The following DNAH12 variants were observed in gnomAD, a reference collection of about 807,000 sequenced individuals.
DNAH12 encodes dynein axonemal heavy chain 12.
Under a neutral mutation model 371.5 loss-of-function variants are expected in DNAH12, and 285 were observed. The ratio of observed to expected loss-of-function variants is 0.77; its 90% CI spans 0.70 to 0.85. The LOEUF is 0.85. DNAH12 is among the 40% of genes least tolerant of loss of function. The pLI, the probability that DNAH12 is intolerant of heterozygous loss-of-function variation, is 0.00. For missense variants in DNAH12, 3,611 were observed against 3,689.4 expected, an observed-to-expected ratio of 0.98 and a Z score of 0.55; for synonymous variants, 1,200 against 1,213.0, an observed-to-expected ratio of 0.99 and a Z score of 0.22.
intron 13 of DNAH12, among the ~76,000 whole-genome samples, chr3:57,483,100 A>G (rs1575665571): frequency 6.7e-5 from 1 of 14,928 alleles, no homozygotes; most frequent in East Asian, 7.6e-4. Context: ...TGCAACATTG[A>G]AAAAAAAAAA....
intron 43 of DNAH12, among the ~76,000 whole-genome samples, 171 bp downstream of exon 43, chr3:57,403,138 G>C (rs370335783): frequency 9.9e-5 from 15 of 152,212 alleles, no homozygotes; most frequent in African/African-American, 3.6e-4. Context: ...GTAAAAGCTA[G>C]GTAAAGCACT....
intron 39 of DNAH12, among the ~76,000 whole-genome samples, chr3:57,410,931 G>C (rs1553682791): frequency 1.3e-5 from 2 of 151,828 alleles, no homozygotes; most frequent in African/African-American, 4.8e-5. Context: ...TTAATGGTAA[G>C]AATCTCCAAG....
At chr3:57,350,450 A>C (rs1553659775) in intron 60 of DNAH12, among the ~76,000 whole-genome samples, 1 of 152,202 alleles carries the variant, frequency 6.6e-6, no homozygotes, top group Non-Finnish European at 1.5e-5. Flanking sequence ...GAAAAGGCCA[A>C]GTCTTTTCAA....
chr3:57,504,564 C>T (rs2067682019), intron 8 of DNAH12, among the ~76,000 whole-genome samples: 2 of 152,096 alleles, frequency 1.3e-5, no homozygotes, highest in Admixed American at 1.3e-4. Flanking sequence ...CGCGTGCCAC[C>T]ACACCCAGCT....
At position 57,471,408 on chromosome 3, in the gene DNAH12, T is replaced by A. The variant is rs748493127; in HGVS notation, c.1911+64A>T. On this transcript the variant is annotated intron_variant, in intron 15 of 73. Transcript: ENST00000495027. Reference sequence around the variant, plus strand: ...ATATTTTTCTATACTTTTAAATTTATGTTAACATGTCCTATATGACTCTAT... The same window carrying A: ...ATATTTTTCTATACTTTTAAATTTAAGTTAACATGTCCTATATGACTCTAT... 13 of 1,345,784 alleles carry A rather than the reference T, an allele frequency of 9.7e-6. No homozygotes were observed. In the East Asian group the frequency reaches 3.6e-4, roughly 37 times the overall value. 83.4% of individuals were successfully genotyped at this position (1,345,784 alleles called of 1,614,324 possible).
intron 69 of DNAH12, among the ~76,000 whole-genome samples, chr3:57,307,473 T>C (rs1303744716): frequency 1.3e-5 from 2 of 152,210 alleles, no homozygotes; most frequent in Non-Finnish European, 2.9e-5. Flanking sequence ...GTAGCCTTTT[T>C]ATCCAAACAA....
intron 69 of DNAH12, among the ~76,000 whole-genome samples, chr3:57,304,083 A>C (rs1245702309): frequency 6.2e-5 from 8 of 129,732 alleles, no homozygotes; most frequent in Non-Finnish European, 9.7e-5. Context: ...GCCAGAGAAC[A>C]ACCCCCCTTT....
At chr3:57,424,844 A>C (rs1298242721) in intron 35 of DNAH12, among the ~76,000 whole-genome samples, 178 bp downstream of exon 35, 20 of 151,916 alleles carry the variant, frequency 1.3e-4, no homozygotes, top group African/African-American at 4.6e-4. Flanking sequence ...TAATTTCTTT[A>C]AAGTGTTTTT....
intron 69 of DNAH12, among the ~76,000 whole-genome samples, chr3:57,305,963 G>A (rs1435044028): frequency 6.6e-6 from 1 of 152,224 alleles, no homozygotes; most frequent in African/African-American, 2.4e-5. Flanking sequence ...ACAAGTGCCA[G>A]AAATCTGGCC....
In DNAH12 at chr3:57,489,654, T is replaced by C. The variant is rs149716920; in HGVS notation, c.1369A>G (p.Ile457Val). The change falls in exon 12 of 74, where the codon ATA becomes GTA. Residue 457 changes from isoleucine to valine, a missense_variant. Physicochemically the swap from Ile to Val is conservative, Grantham distance 29. This residue lies in a region of DNAH12 where 1,314 missense variants were observed against 1,398.7 expected (regional missense o/e 0.94). Transcript: ENST00000495027. The part of the protein sequence containing the change: ...IEKFLSLASE[I>V]MLLPQWIHYT... ...TGAATCCACTGAGGCAAAAGCATTA[T>C]TTCTGAGGCAAGACTGAGAAATTTT... 6.7e-4 allele frequency: 1,026 copies of C among 1,525,272 alleles called. 3 individuals are homozygous for C. In the African/African-American group the frequency reaches 0.012, roughly 18 times the overall value. The allele number at this position is 1,525,272 out of a possible 1,614,324, so 94.5% of individuals were successfully genotyped here. A position where few individuals can be genotyped will look rare whatever the true frequency, so the allele number is the denominator to read the frequency against.
intron 4 of DNAH12, among the ~76,000 whole-genome samples, chr3:57,516,158 GGTTCAAGTGAT>G (rs1052819917): frequency 6.7e-6 from 1 of 148,400 alleles, no homozygotes; most frequent in African/African-American, 2.5e-5. Context: ...CCACCTCTTG[GGTTCAAGTGAT>G]GTTCCTGCCT....
In DNAH12 at chr3:57,472,653, T is replaced by C. The variant is rs1241701882; in HGVS notation, c.1669A>G (p.Ser557Gly). Reference protein sequence around the residue: ...LRIQESKRQMSYFLDVFLFPQ... With the variant: ...LRIQESKRQMGYFLDVFLFPQ... Reference sequence around the variant, plus strand: ...AATAGGAAAACATCTAAAAAGTAACTCATTTGGCGTTTAGATTCCTACAAA... The same window carrying C: ...AATAGGAAAACATCTAAAAAGTAACCCATTTGGCGTTTAGATTCCTACAAA... The change falls in exon 14 of 74, where the codon AGT becomes GGT. Residue 557 changes from serine to glycine, a missense_variant. This residue lies in a region of DNAH12 where 1,314 missense variants were observed against 1,398.7 expected (regional missense o/e 0.94). Transcript: ENST00000495027. 6.4e-7 allele frequency: 1 copy of C among 1,550,424 alleles called. No individual in the cohort carries two copies. Among genetic ancestry groups the C allele is most frequent in the Non-Finnish European group, 8.7e-7 (1 of 1,146,568 alleles).
chr3:57,435,867 A>G (rs1005574588), intron 30 of DNAH12, among the ~76,000 whole-genome samples: 35 of 83,062 alleles, frequency 4.2e-4, no homozygotes, highest in Middle Eastern at 6.4e-3. Flanking sequence ...TATTCCCTCT[A>G]TTTTTGTATG....
rs4462937 is a variant in DNAH12 at position 57,428,707 on chromosome 3, A to G, written c.5179T>C (p.Tyr1727His). 385,847 of 1,550,806 alleles carry G rather than the reference A, an allele frequency of 0.25. 51,843 individuals are homozygous for G. The highest frequency in any genetic ancestry group is 0.44 in the East Asian group (17,872 of 40,862). Residue 1727 changes from tyrosine to histidine, a missense_variant, in exon 34 of 74, where the codon TAT (tyrosine) becomes CAT (histidine). By Grantham distance (83) the Tyr-to-His change is moderately conservative. This residue lies in a region of DNAH12 where 2,266 missense variants were observed against 2,236.9 expected (regional missense o/e 1.01). Transcript: ENST00000495027. The part of the protein sequence containing the change: ...SLKGPLCEPE[Y>H]QALLRGLFAW... ...AAAAGTCCTCTCAGAAGAGCTTGATATTCTGGTTCACACAGAGGTCCTTTC... is the reference window on the plus strand; with the variant it reads ...AAAAGTCCTCTCAGAAGAGCTTGATGTTCTGGTTCACACAGAGGTCCTTTC...
At chr3:57,393,666 GAAAAAGAA>G (rs2063677833) in intron 44 of DNAH12, among the ~76,000 whole-genome samples, 1 of 126,044 alleles carries the variant, frequency 7.9e-6, no homozygotes, top group Non-Finnish European at 1.6e-5. Context: ...GAAAGAAAAA[GAAAAAGAA>G]AAAGAAATGA....
intron 62 of DNAH12, among the ~76,000 whole-genome samples, chr3:57,324,190 G>T (rs2061877453): frequency 6.6e-6 from 1 of 152,202 alleles, no homozygotes; most frequent in Non-Finnish European, 1.5e-5. Context: ...AGGAGCAAGA[G>T]CTTCCCTGTC....
At position 57,415,634 on chromosome 3, in the gene DNAH12, C is replaced by T. The variant is rs147316452; in HGVS notation, c.5715-70G>A. 2,982 of 1,427,158 alleles carry T rather than the reference C, an allele frequency of 2.1e-3. 54 individuals carry two copies. The African/African-American group carries it at 0.037, about 18-fold the overall frequency. The allele number at this position is 1,427,158 out of a possible 1,614,324, so 88.4% of individuals were successfully genotyped here. A position where few individuals can be genotyped will look rare whatever the true frequency, so the allele number is the denominator to read the frequency against. On this transcript the variant is annotated intron_variant, in intron 37 of 73. Coordinates refer to ENST00000495027, the MANE Select transcript of DNAH12 (RefSeq NM_001366028.2). ...CAGAATACATTTCTACTAAAGGAGG[C>T]GGTAGTTAAAAGTGTACATAAGAAT...
At chr3:57,538,684 C>G (rs2069152744) in intron 2 of DNAH12, among the ~76,000 whole-genome samples, 1 of 152,206 alleles carries the variant, frequency 6.6e-6, no homozygotes, top group Non-Finnish European at 1.5e-5. Flanking sequence ...TGCCCTAGGC[C>G]TTTGCCTTTC....
intron 33 of DNAH12, 23 bp from the exon 34 acceptor site, chr3:57,428,844 T>C (rs779664920): frequency 4.3e-5 from 64 of 1,503,792 alleles, no homozygotes; most frequent in Admixed American, 1.0e-4. Context: ...GGCAACTTTT[T>C]GCACTGTTGT....
Sources: gnomAD v4.1 joint callset for allele counts (sites outside exome capture counted in the v4.1 genomes callset) on GRCh38, gnomAD v4.1.1 for gene constraint, gnomAD v4.1.1 regional missense constraint, MANE v1.5 for transcripts, NCBI Gene and HGNC (gene_info 2026-07-23, HGNC 2026-07-21) for gene names.